Variants in MRTFA observed in about 807,000 individuals in gnomAD.
MRTFA encodes myocardin-related transcription factor A.
MRTFA carries 20 observed loss-of-function variants against 83.5 expected under a neutral mutation model. That is an observed-to-expected ratio of 0.24 (90% CI 0.17 to 0.35). The LOEUF is 0.35. Ranked by LOEUF, MRTFA falls within the 10% of genes least tolerant of loss-of-function variation. The probability of loss-of-function intolerance (pLI) is 1.00; values close to 1 mark genes in which losing one functional copy is unlikely to be tolerated. For synonymous variants in MRTFA, 659 were observed against 541.2 expected (o/e 1.22, Z -3.02); for missense variants, 1,200 against 1,224.7 (o/e 0.98, Z 0.30).
chr22:40,411,001 C>A lies in MRTFA; in HGVS notation c.*389G>T. 4.1e-6 allele frequency: 1 copy of A among 244,618 alleles called. No homozygotes were observed. The highest frequency in any genetic ancestry group is 6.0e-5 in the East Asian group (1 of 16,800). 15.2% of individuals were successfully genotyped at this position (244,618 alleles called of 1,614,324 possible). The stretch of plus-strand genomic sequence containing the variant: ...AGCAGGGAGAGAAAGGAAGGAGATT[C>A]ACCCCTTAACCTGTCTCAGCCCTGG... On this transcript the variant is annotated 3_prime_UTR_variant, in exon 15 of 15. Coordinates refer to ENST00000355630, the MANE Select transcript of MRTFA (RefSeq NM_020831.6).
intron 11 of MRTFA, 135 bp from the exon 12 acceptor site, chr22:40,419,519 G>A: frequency 1.4e-6 from 1 of 737,408 alleles, no homozygotes; most frequent in Non-Finnish European, 2.2e-6. Flanking sequence ...AGCCTGGAGG[G>A]TGCAATGCCC....
intron 3 of MRTFA, among the ~76,000 whole-genome samples, chr22:40,469,376 G>C (rs1179736393): frequency 2.0e-5 from 3 of 152,112 alleles, no homozygotes; most frequent in African/African-American, 7.2e-5. Context: ...GATCTCTCTT[G>C]CTCCCTCTCT....
At chr22:40,447,162 C>T (rs1356706315) in intron 4 of MRTFA, among the ~76,000 whole-genome samples, 1 of 151,682 alleles carries the variant, frequency 6.6e-6, no homozygotes, top group African/African-American at 2.4e-5. Context: ...TCAAGACCAG[C>T]CTGGGCAATA....
Position 40,431,442 on chromosome 22 carries a change from C to T in MRTFA, c.402G>A (p.Pro134=), listed in dbSNP as rs1218052040. The change falls in exon 6 of 15, where the codon CCG becomes CCA. Residue 134 remains proline (P), a synonymous_variant. Coordinates refer to ENST00000355630, the MANE Select transcript of MRTFA (RefSeq NM_020831.6). ...GCATCCTGACCAGCTCCGATCTCTC[C>T]GGCCGGGAACGAATCTTCCGTTTGA... 33 of 1,614,104 alleles carry T rather than the reference C, an allele frequency of 2.0e-5. No individual in the cohort carries two copies. The highest frequency in any genetic ancestry group is 1.6e-4 in the Middle Eastern group (1 of 6,062).
intron 2 of MRTFA, among the ~76,000 whole-genome samples, chr22:40,571,434 TTC>T (rs777167043): frequency 2.0e-5 from 3 of 152,118 alleles, no homozygotes; most frequent in Non-Finnish European, 4.4e-5. Flanking sequence ...GTCCAGATAT[TTC>T]TGTCAAAATT....
At chr22:40,561,638 CT>C (rs2055619308) in intron 2 of MRTFA, among the ~76,000 whole-genome samples, 1 of 152,148 alleles carries the variant, frequency 6.6e-6, no homozygotes, top group African/African-American at 2.4e-5. Context: ...AATAATAGGG[CT>C]TCCTATTCCT....
In MRTFA at chr22:40,417,501, G is replaced by GGA; in HGVS notation, c.2365-10_2365-9dup. ...GCCAGGCTGGGACGAGGGCTGGACA[G>GGA]GAGAGCAGGGAGAGGACCAGTGGCC... On this transcript the variant is annotated splice_polypyrimidine_tract_variant and intron_variant, in intron 12 of 14. Coordinates refer to ENST00000355630, the MANE Select transcript of MRTFA (RefSeq NM_020831.6). 1 of 1,493,978 alleles carries GGA rather than the reference G, an allele frequency of 6.7e-7. No individual in the cohort carries two copies. Among genetic ancestry groups the GGA allele is most frequent in the Non-Finnish European group, 9.0e-7 (1 of 1,110,718 alleles). The allele number at this position is 1,493,978 out of a possible 1,614,324, so 92.5% of individuals were successfully genotyped here.
intron 1 of MRTFA, among the ~76,000 whole-genome samples, chr22:40,604,288 A>G (rs889903343): frequency 3.3e-5 from 5 of 151,250 alleles, no homozygotes; most frequent in African/African-American, 4.9e-5. Context: ...CCGCCACCAC[A>G]CCTGACTAAT....
At chr22:40,439,304 A>T (rs1265277027) in intron 4 of MRTFA, among the ~76,000 whole-genome samples, 1 of 151,982 alleles carries the variant, frequency 6.6e-6, no homozygotes, top group Non-Finnish European at 1.5e-5. Context: ...GGAGTTCAAG[A>T]CCAGCCTGGC....
intron 2 of MRTFA, among the ~76,000 whole-genome samples, chr22:40,576,461 T>C (rs1280237439): frequency 6.6e-6 from 1 of 152,216 alleles, no homozygotes; most frequent in Admixed American, 6.5e-5. Flanking sequence ...CTGATAATCC[T>C]AGCATCTCCC....
intron 3 of MRTFA, among the ~76,000 whole-genome samples, chr22:40,498,274 T>TATATATATATATATA (rs1491515144): frequency 2.6e-5 from 1 of 37,774 alleles, no homozygotes; most frequent in African/African-American, 1.1e-4. Flanking sequence ...TATATATATA[T>TATATATATATATATA]TTTTTTTTTT....
At chr22:40,528,712 G>A (rs1219422668) in intron 3 of MRTFA, among the ~76,000 whole-genome samples, 3 of 148,130 alleles carry the variant, frequency 2.0e-5, no homozygotes, top group Non-Finnish European at 4.4e-5. Context: ...ACTCCAGACT[G>A]GGCAATAAGA....
chr22:40,628,836 G>A (rs1045700481), intron 1 of MRTFA, among the ~76,000 whole-genome samples: 2 of 152,096 alleles, frequency 1.3e-5, no homozygotes, highest in Non-Finnish European at 2.9e-5. Flanking sequence ...AACAATGAGA[G>A]AACTGGACTT....
At chr22:40,587,018 C>A in intron 2 of MRTFA, 1 of 478,928 alleles carries the variant, frequency 2.1e-6, no homozygotes, top group Middle Eastern at 6.1e-4. Flanking sequence ...AGAGCATGGT[C>A]TTTGCATATG....
chr22:40,609,200 G>C (rs2056354681), intron 1 of MRTFA, among the ~76,000 whole-genome samples: 1 of 151,428 alleles, frequency 6.6e-6, no homozygotes, highest in Non-Finnish European at 1.5e-5. Context: ...CTGAGGCAGG[G>C]GAATCACTTG....
intron 1 of MRTFA, among the ~76,000 whole-genome samples, chr22:40,596,792 G>A (rs1184433624): frequency 6.6e-6 from 1 of 151,964 alleles, no homozygotes; most frequent in Non-Finnish European, 1.5e-5. Flanking sequence ...GTAACAGAGC[G>A]AGACTCCATC....
chr22:40,618,106 G>A (rs942699024), intron 1 of MRTFA, among the ~76,000 whole-genome samples: 9 of 150,816 alleles, frequency 6.0e-5, no homozygotes, highest in African/African-American at 9.8e-5. Context: ...ACGGAGTCTC[G>A]CTCTGTTGCC....
At chr22:40,514,630 T>C (rs898715388) in intron 3 of MRTFA, among the ~76,000 whole-genome samples, 4 of 140,654 alleles carry the variant, frequency 2.8e-5, no homozygotes, top group Admixed American at 2.1e-4. Context: ...CAAGCCACCA[T>C]GCCCGGGTAA....
At chr22:40,493,687 G>A (rs906276591) in intron 3 of MRTFA, among the ~76,000 whole-genome samples, 1 of 152,170 alleles carries the variant, frequency 6.6e-6, no homozygotes, top group African/African-American at 2.4e-5. Flanking sequence ...CAAGGATGAG[G>A]AGCAACTGGA....
Sources: allele counts gnomAD v4.1 joint callset (sites outside exome capture counted in the v4.1 genomes callset), GRCh38; gene constraint gnomAD v4.1.1; transcripts MANE v1.5; gene names NCBI Gene and HGNC (gene_info 2026-07-23, HGNC 2026-07-21).